The following ZFHX3 variants were observed in gnomAD, a reference collection of about 807,000 sequenced individuals.
The protein encoded by ZFHX3 is zinc finger homeobox 3, also known as zinc finger homeobox protein 3.
A neutral mutation model predicts 279.1 loss-of-function variants in ZFHX3; 42 were observed. The ratio of observed to expected loss-of-function variants is 0.15; its 90% CI spans 0.12 to 0.19. The LOEUF (loss-of-function observed/expected upper bound fraction) is 0.19. ZFHX3 is among the 10% of genes least tolerant of loss of function. The pLI is 1.00. For missense variants in ZFHX3, 4,981 were observed against 4,754.0 expected (o/e 1.05, Z -1.40); for synonymous variants, 2,293 against 1,957.8 (o/e 1.17, Z -4.52).
At chr16:72,843,479 C>T (rs1180355402) in intron 4 of ZFHX3, among the ~76,000 whole-genome samples, 1 of 146,712 alleles carries the variant, frequency 6.8e-6, no homozygotes, top group African/African-American at 2.6e-5. Flanking sequence ...CCACTGCACT[C>T]CATCCAGCCT....
chr16:73,279,581 T>A (rs748907360), intron 4 of ZFHX3, among the ~76,000 whole-genome samples: 1 of 152,202 alleles, frequency 6.6e-6, no homozygotes, highest in African/African-American at 2.4e-5. Flanking sequence ...ACATTTCTCA[T>A]GTCTTACATG....
chr16:73,110,732 T>C (rs1966362697), intron 7 of ZFHX3, among the ~76,000 whole-genome samples: 1 of 152,068 alleles, frequency 6.6e-6, no homozygotes, highest in Admixed American at 6.6e-5. Flanking sequence ...GCCAGCTAAT[T>C]TTTTAATTTT....
intron 8 of ZFHX3, among the ~76,000 whole-genome samples, chr16:73,080,365 T>C (rs1333488167): frequency 6.6e-6 from 1 of 152,180 alleles, no homozygotes; most frequent in Non-Finnish European, 1.5e-5. Flanking sequence ...GAACTGAATG[T>C]GTAGGTATTT....
intron 3 of ZFHX3, among the ~76,000 whole-genome samples, chr16:73,371,635 G>T (rs909945005): frequency 1.3e-5 from 2 of 152,094 alleles, no homozygotes; most frequent in Admixed American, 1.3e-4. Flanking sequence ...ATCTTGGTTT[G>T]CTGTAGCAAG....
chr16:73,077,805 A>G (rs1450473712), intron 8 of ZFHX3, among the ~76,000 whole-genome samples: 1 of 151,998 alleles, frequency 6.6e-6, no homozygotes, highest in Non-Finnish European at 1.5e-5. Flanking sequence ...CAAAGCCATT[A>G]TTTTTCTTTT....
chr16:73,873,270 G>GA (rs1315606532), intron 1 of ZFHX3, among the ~76,000 whole-genome samples: 6 of 124,758 alleles, frequency 4.8e-5, no homozygotes, highest in Non-Finnish European at 8.6e-5. Context: ...GATGGTGGTG[G>GA]TGGTGGGTGG....
In ZFHX3 at chr16:73,720,121, A is replaced by G. The variant is rs902512405; in HGVS notation, c.-1607-39881T>C. On this transcript the variant is annotated intron_variant, in intron 1 of 17. Coordinates refer to the ZFHX3 transcript ENST00000641206. Reference sequence around the variant, plus strand: ...TCAATGAGATGGAAAATAAGGCAAAATTATAGCAATTTCTTTTTAACACAC... The same window carrying G: ...TCAATGAGATGGAAAATAAGGCAAAGTTATAGCAATTTCTTTTTAACACAC... Among the ~76,000 whole-genome samples, 3 of 152,340 alleles carry G rather than the reference A, an allele frequency of 2.0e-5. No homozygotes were observed. The East Asian group carries it at 5.8e-4, about 29-fold the overall frequency.
Position 73,324,858 on chromosome 16 carries a change from C to T in ZFHX3, c.-1290-6522G>A, listed in dbSNP as rs886436741. On this transcript the variant is annotated intron_variant, in intron 3 of 17. Coordinates refer to the ZFHX3 transcript ENST00000641206. ...CACAGACCTGAGAGAATAATCGTGC[C>T]TCCTGAAGTTCTCAGCCTCGGTTTT... Among the ~76,000 whole-genome samples the T allele has an allele frequency of 1.8e-4, 27 of 152,290 alleles. 1 individual carries two copies. The South Asian group carries it at 2.5e-3, about 14-fold the overall frequency.
chr16:73,774,016 T>C (rs992665308), intron 1 of ZFHX3, among the ~76,000 whole-genome samples: 1 of 152,080 alleles, frequency 6.6e-6, no homozygotes, highest in East Asian at 1.9e-4. Context: ...CATGTGCTTG[T>C]AGTCCCAGCT....
At chr16:72,910,082 T>C (rs949031774) in intron 3 of ZFHX3, among the ~76,000 whole-genome samples, 1 of 152,174 alleles carries the variant, frequency 6.6e-6, no homozygotes, top group Admixed American at 6.5e-5. Flanking sequence ...CACAGGGCAC[T>C]GGTTCTCAGG....
chr16:73,504,730 C>T (rs970430845), intron 2 of ZFHX3: 8 of 152,164 alleles, frequency 5.3e-5, no homozygotes, highest in African/African-American at 1.7e-4. Context: ...TTTCATAAAC[C>T]TTACGGTGCA....
intron 5 of ZFHX3, among the ~76,000 whole-genome samples, chr16:73,210,017 G>A (rs2011953758): frequency 6.6e-6 from 1 of 152,128 alleles, no homozygotes. Context: ...AACTTTGGGG[G>A]TTCACTAATA....
chr16:73,203,130 C>T (rs976967123), intron 5 of ZFHX3, among the ~76,000 whole-genome samples: 3 of 152,024 alleles, frequency 2.0e-5, no homozygotes, highest in Admixed American at 1.3e-4. Context: ...GCATCTACTC[C>T]GTCGTCCAGG....
chr16:73,248,174 G>T (rs932843401), intron 5 of ZFHX3, among the ~76,000 whole-genome samples: 1 of 151,584 alleles, frequency 6.6e-6, no homozygotes, highest in African/African-American at 2.4e-5. Flanking sequence ...TGTGGAGTGT[G>T]TGTGCGTACT....
At chr16:73,384,867 T>G (rs2016871500) in intron 3 of ZFHX3, among the ~76,000 whole-genome samples, 1 of 152,230 alleles carries the variant, frequency 6.6e-6, no homozygotes, top group Non-Finnish European at 1.5e-5. Flanking sequence ...TGGGCAGGGC[T>G]GACTCCAGGC....
chr16:73,167,017 T>A (rs1411691724), intron 5 of ZFHX3, among the ~76,000 whole-genome samples: 2 of 152,218 alleles, frequency 1.3e-5, no homozygotes, highest in African/African-American at 4.8e-5. Context: ...AGCTCCAAAC[T>A]ATAGCCACAG....
At chr16:73,734,178 T>A (rs1013096136) in intron 1 of ZFHX3, among the ~76,000 whole-genome samples, 1 of 152,136 alleles carries the variant, frequency 6.6e-6, no homozygotes, top group Non-Finnish European at 1.5e-5. Context: ...GCTGGCTGGC[T>A]TCACCCACCC....
chr16:73,142,185 A>G (rs1168109214), intron 6 of ZFHX3, among the ~76,000 whole-genome samples: 1 of 152,154 alleles, frequency 6.6e-6, no homozygotes, highest in Admixed American at 6.5e-5. Flanking sequence ...CAGAAACTCA[A>G]TGCTGACCAC....
chr16:72,805,251 G>A (rs2036228691), intron 7 of ZFHX3, among the ~76,000 whole-genome samples: 1 of 152,036 alleles, frequency 6.6e-6, no homozygotes, highest in African/African-American at 2.4e-5. Flanking sequence ...CAAAGTGCTG[G>A]GATTACAGGT....
Sources: allele counts gnomAD v4.1 joint callset (sites outside exome capture counted in the v4.1 genomes callset), GRCh38; gene constraint gnomAD v4.1.1; transcripts MANE v1.5; gene names NCBI Gene and HGNC (gene_info 2026-07-23, HGNC 2026-07-21).